Variants in ANK2 observed in about 807,000 individuals in gnomAD.
ANK2 encodes ankyrin 2.
ANK2 carries 83 observed loss-of-function variants against 360.5 expected under a neutral mutation model. The observed-to-expected ratio is 0.23, with a 90% CI of 0.19 to 0.28. The LOEUF is 0.28. ANK2 is among the 10% of genes least tolerant of loss of function. ANK2 has a pLI of 1.00. For missense variants in ANK2, 4,201 were observed against 4,795.7 expected (o/e 0.88, Z 3.66); for synonymous variants, 1,740 against 1,759.5 (o/e 0.99, Z 0.28).
intron 4 of ANK2, among the ~76,000 whole-genome samples, chr4:113,204,599 A>G (rs959702653): frequency 1.3e-5 from 2 of 152,210 alleles, no homozygotes; most frequent in Non-Finnish European, 2.9e-5. Context: ...CATTTTGGAC[A>G]TGGAAAAATT....
intron 2 of ANK2, among the ~76,000 whole-genome samples, chr4:112,951,242 T>C (rs1399958709): frequency 6.6e-6 from 1 of 152,152 alleles, no homozygotes; most frequent in Non-Finnish European, 1.5e-5. Context: ...AAATGAGATG[T>C]TCATTGATAA....
rs201956754 is a variant in ANK2 at position 113,257,229 on chromosome 4, AT to A, written c.1189-820del. Reference sequence around the variant, plus strand: ...AAGGAACATTGTTGAAATAAAAAAAATATATAATACACGATGAGTAAGCACC... The same window carrying A: ...AAGGAACATTGTTGAAATAAAAAAAAATATAATACACGATGAGTAAGCACC... On this transcript the variant is annotated intron_variant, in intron 11 of 45. Transcript: ENST00000357077. 6.6e-3 allele frequency among the ~76,000 whole-genome samples: 1,004 copies of A among 152,338 alleles called. 6 individuals carry two copies. The highest frequency in any genetic ancestry group is 9.3e-3 in the African/African-American group (387 of 41,578).
At chr4:113,035,916 A>C (rs1331239635) in intron 2 of ANK2, among the ~76,000 whole-genome samples, 1 of 151,968 alleles carries the variant, frequency 6.6e-6, no homozygotes, top group African/African-American at 2.4e-5. Flanking sequence ...TTTCTGTCCA[A>C]ATTAGTGGGT....
chr4:112,824,379 T>G (rs527707841), intron 1 of ANK2, among the ~76,000 whole-genome samples: 1 of 152,116 alleles, frequency 6.6e-6, no homozygotes, highest in Non-Finnish European at 1.5e-5. Flanking sequence ...TAAGTTTTAT[T>G]TTTCTGGAGA....
intron 2 of ANK2, among the ~76,000 whole-genome samples, chr4:113,193,476 G>C (rs1432663262): frequency 6.6e-6 from 1 of 152,172 alleles, no homozygotes; most frequent in African/African-American, 2.4e-5. Context: ...GAAAAGTGCA[G>C]ATAAAAGATA....
chr4:113,056,947 C>G (rs1201027402), intron 1 of ANK2, among the ~76,000 whole-genome samples: 1 of 152,196 alleles, frequency 6.6e-6, no homozygotes, highest in Non-Finnish European at 1.5e-5. Context: ...TGATTTCTAG[C>G]ATTTGCTTAA....
At chr4:113,048,235 C>T (rs1579986420), upstream of ANK2, among the ~76,000 whole-genome samples, 1 of 105,082 alleles carries the variant, frequency 9.5e-6, no homozygotes, top group South Asian at 3.2e-4. Flanking sequence ...GTTCTGGTTG[C>T]ATCTACAAGT....
intron 1 of ANK2, among the ~76,000 whole-genome samples, chr4:113,119,700 C>G (rs960586177): frequency 2.0e-5 from 3 of 151,958 alleles, no homozygotes; most frequent in Non-Finnish European, 4.4e-5. Context: ...ACTAATGAAA[C>G]TGTTTATTTG....
At chr4:112,797,010 AGTTTGCCCAACTGT>A in the ANK2 span, 1 of 172,256 alleles carries the variant, frequency 5.8e-6, no homozygotes, top group Non-Finnish European at 1.3e-5. Flanking sequence ...AGAAATTCTG[AGTTTGCCCAACTGT>A]GTTATTTAAC....
chr4:112,723,530 A>G, the ANK2 span, among the ~76,000 whole-genome samples: 1 of 152,060 alleles, frequency 6.6e-6, no homozygotes, highest in Non-Finnish European at 1.5e-5. Flanking sequence ...TGCCCGGCTA[A>G]TTTTTGTATT....
At chr4:113,126,963 G>T (rs2154375139) in intron 1 of ANK2, among the ~76,000 whole-genome samples, 1 of 152,130 alleles carries the variant, frequency 6.6e-6, no homozygotes, top group South Asian at 2.1e-4. Context: ...GGCCTTCTGG[G>T]TTATGTATTC....
intron 1 of ANK2, among the ~76,000 whole-genome samples, chr4:112,874,842 C>T (rs995936360): frequency 6.6e-6 from 1 of 151,946 alleles, no homozygotes; most frequent in African/African-American, 2.4e-5. Flanking sequence ...GTAATTATAT[C>T]GATTGCATCC....
At chr4:113,015,101 G>A (rs879374316) in intron 2 of ANK2, among the ~76,000 whole-genome samples, 1 of 151,510 alleles carries the variant, frequency 6.6e-6, no homozygotes, top group Non-Finnish European at 1.5e-5. Context: ...CTCATGATCC[G>A]CCCGCCTCTG....
intron 2 of ANK2, among the ~76,000 whole-genome samples, chr4:112,989,529 C>T (rs1351223618): frequency 2.6e-5 from 4 of 152,178 alleles, no homozygotes; most frequent in South Asian, 2.1e-4. Context: ...GCAGCAGCCT[C>T]GTGCAGTATG....
chr4:113,335,545 T>A (rs1037304930), intron 29 of ANK2, among the ~76,000 whole-genome samples: 2 of 152,202 alleles, frequency 1.3e-5, no homozygotes, highest in East Asian at 3.9e-4. Flanking sequence ...GCCTCTCATT[T>A]CAAAGGTGGC....
intron 1 of ANK2, among the ~76,000 whole-genome samples, chr4:113,053,664 G>A (rs1486773638): frequency 1.3e-5 from 2 of 152,136 alleles, no homozygotes; most frequent in African/African-American, 2.4e-5. Flanking sequence ...TGTGATCATG[G>A]CTCACTGCAG....
chr4:113,293,557 C>G lies in ANK2; in HGVS notation c.2475+19C>G. 1 of 1,591,388 alleles carries G rather than the reference C, an allele frequency of 6.3e-7. No individual in the cohort carries two copies. The highest frequency in any genetic ancestry group is 8.6e-7 in the Non-Finnish European group (1 of 1,161,364). On this transcript the variant is annotated intron_variant, in intron 22 of 45. Transcript: ENST00000357077. The stretch of plus-strand genomic sequence containing the variant: ...CACCACAGTGAGTATGAGTGACTGA[C>G]TAGCTTCAGCCCTGTTATTCTTCGT...
At chr4:113,154,824 C>A (rs2097219844) in intron 1 of ANK2, among the ~76,000 whole-genome samples, 1 of 152,136 alleles carries the variant, frequency 6.6e-6, no homozygotes, top group Admixed American at 6.5e-5. Flanking sequence ...GATGGACATG[C>A]CAACTGCCAT....
chr4:112,788,418 C>T, the ANK2 span: 13 of 1,596,194 alleles, frequency 8.1e-6, no homozygotes, highest in Admixed American at 1.7e-5. Flanking sequence ...GGTGCAATCA[C>T]CACCAGCTGA....
Sources: allele counts gnomAD v4.1 joint callset (sites outside exome capture counted in the v4.1 genomes callset), GRCh38; gene constraint gnomAD v4.1.1; transcripts MANE v1.5; gene names NCBI Gene and HGNC (gene_info 2026-07-23, HGNC 2026-07-21).